PARG: variants seen among roughly 807,000 people sequenced by gnomAD.
PARG encodes mitochondrial poly(ADP-ribose) glycohydrolase.
PARG carries 35 observed loss-of-function variants against 113.0 expected under a neutral mutation model. That is an observed-to-expected ratio of 0.31 (90% confidence interval 0.24 to 0.41). PARG has a LOEUF of 0.41. PARG is among the 10% of genes least tolerant of loss of function. PARG has a pLI of 1.00. For synonymous variants in PARG, 330 were observed against 409.9 expected, an observed-to-expected ratio of 0.81 and a Z score of 2.36; for missense variants, 797 against 1,169.4, an observed-to-expected ratio of 0.68 and a Z score of 4.64.
At chr10:49,923,178 T>G (rs1347545105) in intron 4 of PARG, among the ~76,000 whole-genome samples, 3 of 152,164 alleles carry the variant, frequency 2.0e-5, no homozygotes, top group African/African-American at 7.2e-5. Flanking sequence ...CTCTTTTTAA[T>G]ACCACTACTA....
In PARG at chr10:49,839,307, A is replaced by G. The variant is rs547011032; in HGVS notation, c.2541+2643T>C. On this transcript the variant is annotated intron_variant, in intron 15 of 17. Coordinates refer to ENST00000616448, the MANE Select transcript of PARG (RefSeq NM_003631.5). Reference sequence around the variant, plus strand: ...AACTGAGACCACGCCATTGTACTCCAGCCAGGGCAACGAGTGAAATTCCGT... The same window carrying G: ...AACTGAGACCACGCCATTGTACTCCGGCCAGGGCAACGAGTGAAATTCCGT... Among the ~76,000 whole-genome samples, 8 of 151,986 alleles carry G rather than the reference A, an allele frequency of 5.3e-5. No homozygotes were observed. In the South Asian group the frequency reaches 1.7e-3, roughly 32 times the overall value.
chr10:49,836,564 T>C (rs1844945393), intron 15 of PARG, among the ~76,000 whole-genome samples: 1 of 152,156 alleles, frequency 6.6e-6, no homozygotes, highest in Non-Finnish European at 1.5e-5. Context: ...TTGGGTTATG[T>C]ATTTAATTGT....
intron 8 of PARG, among the ~76,000 whole-genome samples, chr10:49,882,526 G>A (rs2813073): frequency 6.6e-6 from 1 of 152,136 alleles, no homozygotes; most frequent in South Asian, 2.1e-4. Context: ...AAAGTCACTG[G>A]GAGAAGCCAG....
intron 7 of PARG, among the ~76,000 whole-genome samples, chr10:49,901,538 A>G (rs1848349118): frequency 6.6e-6 from 1 of 152,188 alleles, no homozygotes; most frequent in South Asian, 2.1e-4. Flanking sequence ...TAATTTAATT[A>G]AATTATCCAG....
chr10:49,878,735 C>T (rs1462227141), intron 9 of PARG, among the ~76,000 whole-genome samples: 1 of 151,970 alleles, frequency 6.6e-6, no homozygotes, highest in East Asian at 1.9e-4. Flanking sequence ...TTATCTCCTA[C>T]TCTGCATACT....
At chr10:49,830,716 G>C (rs1844614911) in intron 16 of PARG, among the ~76,000 whole-genome samples, 1 of 152,106 alleles carries the variant, frequency 6.6e-6, no homozygotes, top group Admixed American at 6.5e-5. Flanking sequence ...ATGAAAAATA[G>C]TAACAAAGTC....
In PARG at chr10:49,933,623, T is replaced by C; in HGVS notation, c.825A>G (p.Pro275=). 4 of 1,610,100 alleles carry C rather than the reference T, an allele frequency of 2.5e-6. No homozygotes were observed. Among genetic ancestry groups the C allele is most frequent in the Non-Finnish European group, 3.4e-6 (4 of 1,176,414 alleles). ...GTCTAGTCAATTTGTTGTCATTTTT[T>C]GGCCCAGTACCAACATCCTCAGAGC... ...DVGSEDVGTG[P]KNDNKLTRQE... Residue 275 remains proline (P), a synonymous_variant, in exon 3 of 18, where the codon CCA becomes CCG. Transcript: ENST00000616448.
At chr10:49,925,977 T>C (rs1185719967) in intron 4 of PARG, among the ~76,000 whole-genome samples, 5 of 152,222 alleles carry the variant, frequency 3.3e-5, no homozygotes, top group African/African-American at 9.6e-5. Flanking sequence ...CCCTGTACCC[T>C]TTCCCCATTG....
chr10:49,917,216 C>A (rs771815895), intron 6 of PARG, among the ~76,000 whole-genome samples: 1 of 152,078 alleles, frequency 6.6e-6, no homozygotes, highest in Non-Finnish European at 1.5e-5. Context: ...TTAGGCTGGA[C>A]GCAGTGGCTC....
chr10:49,918,033 C>T (rs1193501646), intron 6 of PARG, among the ~76,000 whole-genome samples: 1 of 151,526 alleles, frequency 6.6e-6, no homozygotes, highest in African/African-American at 2.4e-5. Context: ...GTGAATGAAG[C>T]CAGACATACC....
At chr10:49,919,522 T>C (rs1554848611) in intron 6 of PARG, among the ~76,000 whole-genome samples, 1 of 152,138 alleles carries the variant, frequency 6.6e-6, no homozygotes, top group East Asian at 1.9e-4. Context: ...TATGTTAAAT[T>C]CTAACGAACC....
intron 2 of PARG, among the ~76,000 whole-genome samples, chr10:49,934,798 G>A (rs1421128990): frequency 2.0e-5 from 3 of 151,124 alleles, no homozygotes; most frequent in Non-Finnish European, 2.9e-5. Context: ...GCAGTTAGCC[G>A]AGATCACGCC....
chr10:49,913,193 A>G (rs1461639334), intron 7 of PARG, among the ~76,000 whole-genome samples: 3 of 152,248 alleles, frequency 2.0e-5, no homozygotes, highest in African/African-American at 7.2e-5. Flanking sequence ...AAGTTCTAGA[A>G]TAATATCTGG....
intron 1 of PARG, among the ~76,000 whole-genome samples, chr10:49,937,507 C>G (rs1838811362): frequency 6.6e-6 from 1 of 151,680 alleles, no homozygotes; most frequent in Non-Finnish European, 1.5e-5. Flanking sequence ...AATTACAAAC[C>G]AGTAATATGC....
chr10:49,931,839 C>T, intron 4 of PARG, among the ~76,000 whole-genome samples: 1 of 152,122 alleles, frequency 6.6e-6, no homozygotes, highest in Non-Finnish European at 1.5e-5. Context: ...AAAAAGAATC[C>T]AATGAGGTTT....
At position 49,941,893 on chromosome 10, in the gene PARG, C is replaced by G. The variant is rs1319040165; in HGVS notation, c.-168G>C. ...GATCCGCCGGCCTCCCAAGTCAGGC[C>G]GTAAACACTCGCCTGCCTTCCCTCT... On this transcript the variant is annotated 5_prime_UTR_variant, in exon 1 of 18. Coordinates refer to ENST00000616448, the MANE Select transcript of PARG (RefSeq NM_003631.5). The G allele has an allele frequency of 3.2e-6, 4 of 1,241,692 alleles. No individual in the cohort carries two copies. The highest frequency in any genetic ancestry group is 3.0e-5 in the African/African-American group (2 of 67,528). 76.9% of individuals were successfully genotyped at this position (1,241,692 alleles called of 1,614,324 possible).
At position 49,843,633 on chromosome 10, in the gene PARG, C is replaced by T; in HGVS notation, c.2354-1G>A. 3.2e-6 allele frequency: 5 copies of T among 1,540,956 alleles called. No homozygotes were observed. The highest frequency in any genetic ancestry group is 4.4e-6 in the Non-Finnish European group (5 of 1,137,258). On this transcript the variant is annotated splice_acceptor_variant, in intron 13 of 17. Coordinates refer to ENST00000616448, the MANE Select transcript of PARG (RefSeq NM_003631.5). LOFTEE classifies it high-confidence loss of function. The stretch of plus-strand genomic sequence containing the variant: ...GTGTATTCACTGTACTGCTCAGTAC[C>T]TGAAACAAACAATCTGTCACTATTA...
chr10:49,849,256 C>T (rs1322297749), intron 13 of PARG, among the ~76,000 whole-genome samples: 15 of 151,934 alleles, frequency 9.9e-5, no homozygotes, highest in African/African-American at 3.4e-4. Flanking sequence ...CAAAATTCAG[C>T]AAGCTGTTTT....
At chr10:49,929,083 C>G (rs1346696071) in intron 4 of PARG, among the ~76,000 whole-genome samples, 1 of 151,794 alleles carries the variant, frequency 6.6e-6, no homozygotes, top group African/African-American at 2.4e-5. Context: ...CTCAAGGGTC[C>G]TGGGTATCTA....
Sources: allele counts gnomAD v4.1 joint callset (sites outside exome capture counted in the v4.1 genomes callset), GRCh38; gene constraint gnomAD v4.1.1; transcripts MANE v1.5; gene names NCBI Gene and HGNC (gene_info 2026-07-23, HGNC 2026-07-21).